The following YEATS2 variants were observed in gnomAD, a reference collection of about 807,000 sequenced individuals.
YEATS2 encodes YEATS domain-containing protein 2.
A neutral mutation model predicts 163.2 loss-of-function variants in YEATS2; 77 were observed. The observed-to-expected ratio is 0.47, with a 90% CI of 0.39 to 0.57. The LOEUF (loss-of-function observed/expected upper bound fraction) is 0.57. Among genes scored for constraint, YEATS2 ranks in the 20% least tolerant of loss-of-function variants. The probability of loss-of-function intolerance (pLI) is 0.00; values close to 1 mark genes in which losing one functional copy is unlikely to be tolerated. For synonymous variants in YEATS2, 631 were observed against 645.1 expected, an observed-to-expected ratio of 0.98 and a Z score of 0.33; for missense variants, 1,549 against 1,729.8, an observed-to-expected ratio of 0.90 and a Z score of 1.85.
At chr3:183,701,839 T>C (rs1714127349) in intron 1 of YEATS2, among the ~76,000 whole-genome samples, 2 of 152,152 alleles carry the variant, frequency 1.3e-5, no homozygotes, top group South Asian at 4.1e-4. Flanking sequence ...CCCTCCCCAC[T>C]GCATTCTCCT....
intron 28 of YEATS2, chr3:183,807,582 T>G (rs1726347144): frequency 4.7e-6 from 1 of 213,600 alleles, no homozygotes; most frequent in African/African-American, 2.3e-5. Context: ...TCCACCCTGC[T>G]GGAGCCTAAC....
intron 24 of YEATS2, chr3:183,800,864 C>G (rs1385773944): frequency 3.4e-6 from 1 of 294,756 alleles, no homozygotes; most frequent in African/African-American, 2.2e-5. Flanking sequence ...CCCGTAGGCA[C>G]AAAATTTCTC....
Position 183,747,667 on chromosome 3 carries a change from C to G in YEATS2, c.925-5C>G. On this transcript the variant is annotated splice_region_variant and splice_polypyrimidine_tract_variant and intron_variant, in intron 8 of 30. Coordinates refer to ENST00000305135, the MANE Select transcript of YEATS2 (RefSeq NM_018023.5). ...TTTAACACTCTCCCTTTTGTCTTTC[C>G]ATAGCTGGATAGAACTTATACTGGC... 6.2e-7 allele frequency: 1 copy of G among 1,611,468 alleles called. No individual in the cohort carries two copies. Among genetic ancestry groups the G allele is most frequent in the Non-Finnish European group, 8.5e-7 (1 of 1,178,182 alleles).
intron 8 of YEATS2, among the ~76,000 whole-genome samples, chr3:183,738,312 A>C: frequency 6.6e-6 from 1 of 152,138 alleles, no homozygotes; most frequent in South Asian, 2.1e-4. Context: ...TTAGTGAAAA[A>C]AGCATGTTGA....
chr3:183,802,152 T>C (rs892629189), intron 25 of YEATS2: 2 of 152,492 alleles, frequency 1.3e-5, no homozygotes, highest in South Asian at 4.1e-4. Flanking sequence ...ATTGAGTAAA[T>C]TGCTGCTTAG....
intron 2 of YEATS2, among the ~76,000 whole-genome samples, chr3:183,716,116 C>G (rs184757318): frequency 2.0e-5 from 3 of 152,012 alleles, no homozygotes; most frequent in African/African-American, 7.2e-5. Flanking sequence ...CCCGCCACCA[C>G]GCCTTGCTAA....
rs1009561344 is a variant in YEATS2, at chr3:183,736,663, G to A, written c.813-55G>A. The A allele has an allele frequency of 2.9e-6, 4 of 1,372,560 alleles. No individual in the cohort carries two copies. The African/African-American group carries it at 4.4e-5, about 15-fold the overall frequency. The allele number at this position is 1,372,560 out of a possible 1,614,324, so 85.0% of individuals were successfully genotyped here. A position where few individuals can be genotyped will look rare whatever the true frequency, so the allele number is the denominator to read the frequency against. The stretch of plus-strand genomic sequence containing the variant: ...TATGCATTATCAGGAAACTTTTCCT[G>A]TGTAGGATGAGAGAGTGAACATGGA... On this transcript the variant is annotated intron_variant, in intron 7 of 30. Transcript: ENST00000305135.
intron 27 of YEATS2, chr3:183,806,146 A>T: frequency 2.7e-6 from 1 of 375,568 alleles, no homozygotes; most frequent in South Asian, 2.0e-5. Context: ...CCTTGTCCAG[A>T]TAAGGCCATC....
At chr3:183,742,422 A>G (rs776532133) in intron 8 of YEATS2, among the ~76,000 whole-genome samples, 29 of 152,066 alleles carry the variant, frequency 1.9e-4, no homozygotes, top group Admixed American at 1.8e-3. Context: ...GTTGATTCCA[A>G]CCTTCGTGGA....
At chr3:183,799,512 GACTC>G (rs1332305835) in intron 23 of YEATS2, among the ~76,000 whole-genome samples, 4 of 152,172 alleles carry the variant, frequency 2.6e-5, no homozygotes, top group African/African-American at 9.7e-5. Context: ...CAGTTAGAGG[GACTC>G]ATTTGGGGAG....
At chr3:183,795,528 T>G (rs369616592) in intron 21 of YEATS2, among the ~76,000 whole-genome samples, 1 of 147,622 alleles carries the variant, frequency 6.8e-6, no homozygotes, top group Non-Finnish European at 1.5e-5. Context: ...CTCAAACTCC[T>G]GGCCTCAACC....
intron 1 of YEATS2, among the ~76,000 whole-genome samples, chr3:183,713,738 C>T (rs1315495209): frequency 6.6e-6 from 1 of 151,990 alleles, no homozygotes; most frequent in Non-Finnish European, 1.5e-5. Context: ...GTCCAATAAA[C>T]TCGTGCAGTG....
At chr3:183,720,062 G>T (rs1478684494) in intron 4 of YEATS2, among the ~76,000 whole-genome samples, 5 of 151,940 alleles carry the variant, frequency 3.3e-5, no homozygotes, top group Non-Finnish European at 5.9e-5. Flanking sequence ...TATAGATTTG[G>T]GTTAAATATT....
intron 20 of YEATS2, among the ~76,000 whole-genome samples, chr3:183,789,684 C>T (rs894406866): frequency 6.7e-6 from 1 of 148,714 alleles, no homozygotes; most frequent in African/African-American, 2.5e-5. Flanking sequence ...TACAGGCACC[C>T]ACCACCACGC....
chr3:183,706,973 G>A lies in YEATS2; in HGVS notation c.-19-8171G>A, dbSNP rs148004084. Among the ~76,000 whole-genome samples the A allele has an allele frequency of 2.0e-4, 31 of 152,266 alleles. No individual in the cohort carries two copies. In the East Asian group the frequency reaches 6.0e-3, roughly 29 times the overall value. ...AGTTAAAACATAGTCAAAACTTTGT[G>A]TTATGTTTTGAATTATTTAAAATGT... On this transcript the variant is annotated intron_variant, in intron 1 of 30. Coordinates refer to ENST00000305135, the MANE Select transcript of YEATS2 (RefSeq NM_018023.5).
At chr3:183,747,337 C>G (rs916077814) in intron 8 of YEATS2, among the ~76,000 whole-genome samples, 6 of 152,088 alleles carry the variant, frequency 3.9e-5, no homozygotes, top group African/African-American at 1.4e-4. Flanking sequence ...TTACACATTC[C>G]TTTATTCTGG....
intron 15 of YEATS2, among the ~76,000 whole-genome samples, chr3:183,765,782 A>G (rs907329490): frequency 2.0e-5 from 3 of 152,100 alleles, no homozygotes; most frequent in Non-Finnish European, 1.5e-5. Context: ...CCCTGTCTCT[A>G]CTAAAAATAC....
intron 1 of YEATS2, among the ~76,000 whole-genome samples, chr3:183,704,256 C>T (rs775687561): frequency 9.2e-5 from 14 of 151,514 alleles, no homozygotes; most frequent in Non-Finnish European, 1.9e-4. Flanking sequence ...AGCCTTTGTT[C>T]GTTCTGCTTG....
At chr3:183,711,266 T>A (rs1048018448) in intron 1 of YEATS2, among the ~76,000 whole-genome samples, 1 of 151,742 alleles carries the variant, frequency 6.6e-6, no homozygotes, top group East Asian at 1.9e-4. Context: ...GTCAGGAGAT[T>A]GAGACCATCC....
Sources: allele counts gnomAD v4.1 joint callset (sites outside exome capture counted in the v4.1 genomes callset), GRCh38; gene constraint gnomAD v4.1.1; transcripts MANE v1.5; gene names NCBI Gene and HGNC (gene_info 2026-07-23, HGNC 2026-07-21).